EML1: variants seen among roughly 807,000 people sequenced by gnomAD.
The protein encoded by EML1 is echinoderm microtubule-associated protein-like 1.
EML1 carries 27 observed loss-of-function variants against 110.4 expected under a neutral mutation model. The ratio of observed to expected loss-of-function variants is 0.24; its 90% CI spans 0.18 to 0.34. The LOEUF (loss-of-function observed/expected upper bound fraction) is 0.34. EML1 is among the 10% of genes least tolerant of loss of function. EML1 has a pLI of 1.00. For missense variants in EML1, 741 were observed against 1,030.9 expected (o/e 0.72, Z 3.85); for synonymous variants, 344 against 385.8 (o/e 0.89, Z 1.27).
chr14:99,769,307 C>T (rs1021112379), upstream of EML1, among the ~76,000 whole-genome samples: 1 of 152,200 alleles, frequency 6.6e-6, no homozygotes, highest in Admixed American at 6.5e-5. Context: ...AGCACACAGA[C>T]AGGGAGCACT....
At chr14:99,803,211 A>G (rs921954952) in intron 1 of EML1, among the ~76,000 whole-genome samples, 1 of 152,114 alleles carries the variant, frequency 6.6e-6, no homozygotes, top group Non-Finnish European at 1.5e-5. Flanking sequence ...TATTTATCTT[A>G]TAGCACCTCC....
chr14:99,898,212 T>C (rs1254875209), intron 7 of EML1, 21 bp from the exon 8 acceptor site: 1 of 1,569,978 alleles, frequency 6.4e-7, no homozygotes, highest in Admixed American at 1.8e-5. Context: ...TGTAGATGTT[T>C]TGTAAATATC....
At chr14:99,791,155 C>CG (rs1735777103), upstream of EML1, among the ~76,000 whole-genome samples, 1 of 152,194 alleles carries the variant, frequency 6.6e-6, no homozygotes, top group African/African-American at 2.4e-5. Flanking sequence ...GCCCCGCCCT[C>CG]GGCCTCCCTG....
At chr14:99,881,535 C>G (rs1234022765) in intron 4 of EML1, among the ~76,000 whole-genome samples, 1 of 151,764 alleles carries the variant, frequency 6.6e-6, no homozygotes, top group African/African-American at 2.4e-5. Context: ...AAATATTAAC[C>G]TTTTCTGAGA....
intron 2 of EML1, among the ~76,000 whole-genome samples, chr14:99,855,110 A>G (rs2139845311): frequency 6.6e-6 from 1 of 152,356 alleles, no homozygotes; most frequent in South Asian, 2.1e-4. Context: ...TACTGGTACA[A>G]GAGGGAAAAT....
At chr14:99,793,249 G>A (rs2140231386), upstream of EML1, 1 of 811,274 alleles carries the variant, frequency 1.2e-6, no homozygotes, top group South Asian at 5.6e-5. Context: ...CCCGGCCCGG[G>A]CCCCGCGGCC....
At chr14:99,783,042 TGAA>T (rs2057558778) in intron 1 of EML1, among the ~76,000 whole-genome samples, 1 of 151,970 alleles carries the variant, frequency 6.6e-6, no homozygotes, top group Admixed American at 6.6e-5. Flanking sequence ...GTGCACAACA[TGAA>T]GGTTTATTAC....
rs1376696371 is a variant in EML1 at position 99,781,483 on chromosome 14, C to A, written c.-27+7470C>A. Among the ~76,000 whole-genome samples, 1 of 152,194 alleles carries A rather than the reference C, an allele frequency of 6.6e-6. No homozygotes were observed. The highest frequency in any genetic ancestry group is 1.9e-4 in the East Asian group (1 of 5,186). On this transcript the variant is annotated intron_variant, in intron 1 of 22. Transcript: ENST00000327921. The surrounding 1 kb of genome is among the most constrained non-coding windows in gnomAD (Gnocchi z 4.2). Reference sequence around the variant, plus strand: ...TGCATCCGCAGTGTGGTCTGGCGGGCCAGTTCCCCACCCCACAGCTGGGAG... The same window carrying A: ...TGCATCCGCAGTGTGGTCTGGCGGGACAGTTCCCCACCCCACAGCTGGGAG...
At chr14:99,848,330 G>A (rs558407091) in intron 1 of EML1, among the ~76,000 whole-genome samples, 2 of 152,168 alleles carry the variant, frequency 1.3e-5, no homozygotes, top group South Asian at 4.1e-4. Flanking sequence ...TTAATAACAT[G>A]TATGTATCCT....
At chr14:99,923,437 A>T (rs1367512581) in intron 17 of EML1, among the ~76,000 whole-genome samples, 4 of 152,164 alleles carry the variant, frequency 2.6e-5, no homozygotes, top group Non-Finnish European at 5.9e-5. Flanking sequence ...AGTTAATTAC[A>T]CAAGAGTTAC....
intron 16 of EML1, among the ~76,000 whole-genome samples, chr14:99,918,753 T>C (rs1442116015): frequency 6.6e-6 from 1 of 152,122 alleles, no homozygotes; most frequent in Non-Finnish European, 1.5e-5. Flanking sequence ...AGTTCGAGGC[T>C]GCATCGCACT....
At chr14:99,927,838 T>A (rs1595494999) in intron 17 of EML1, among the ~76,000 whole-genome samples, 1 of 56,044 alleles carries the variant, frequency 1.8e-5, no homozygotes, top group Non-Finnish European at 3.2e-5. Flanking sequence ...GTGGTATTGG[T>A]GGTGGTGATG....
chr14:99,903,083 C>A (rs2059787643), intron 9 of EML1, among the ~76,000 whole-genome samples: 1 of 152,140 alleles, frequency 6.6e-6, no homozygotes, highest in Non-Finnish European at 1.5e-5. Context: ...CTGGAGAGAT[C>A]AGGTTGAGAG....
At chr14:99,824,322 C>T (rs1209136667) in intron 1 of EML1, among the ~76,000 whole-genome samples, 4 of 152,300 alleles carry the variant, frequency 2.6e-5, no homozygotes, top group Non-Finnish European at 5.9e-5. Context: ...ACCATGTTTC[C>T]TCTGTGTCTT....
At chr14:99,826,513 C>G (rs1217925561) in intron 1 of EML1, among the ~76,000 whole-genome samples, 2 of 152,122 alleles carry the variant, frequency 1.3e-5, no homozygotes, top group African/African-American at 4.8e-5. Context: ...CCAACTCACT[C>G]CTCCAAGGGC....
intron 17 of EML1, among the ~76,000 whole-genome samples, chr14:99,925,953 T>A (rs1212025942): frequency 6.6e-6 from 1 of 152,176 alleles, no homozygotes; most frequent in African/African-American, 2.4e-5. Context: ...GGGCTCCATA[T>A]GGAGTGAGCC....
intron 4 of EML1, among the ~76,000 whole-genome samples, chr14:99,888,793 G>T (rs1022311953): frequency 3.3e-5 from 5 of 152,190 alleles, no homozygotes; most frequent in African/African-American, 9.7e-5. Context: ...GGCTGCTTTT[G>T]TCTCTGGCAG....
chr14:99,810,986 G>T (rs1411273120), intron 1 of EML1, among the ~76,000 whole-genome samples: 1 of 152,014 alleles, frequency 6.6e-6, no homozygotes, highest in Admixed American at 6.5e-5. Flanking sequence ...TGATCACATG[G>T]TAAAGTATTT....
intron 1 of EML1, among the ~76,000 whole-genome samples, chr14:99,844,442 G>A (rs894902286): frequency 2.7e-5 from 4 of 147,964 alleles, no homozygotes; most frequent in African/African-American, 1.0e-4. Flanking sequence ...TCATACCACC[G>A]CACTCCAGCT....
Sources: gnomAD v4.1 joint callset for allele counts (sites outside exome capture counted in the v4.1 genomes callset) on GRCh38, gnomAD v4.1.1 for gene constraint, Gnocchi (gnomAD v3.1) non-coding constraint, MANE v1.5 for transcripts, NCBI Gene and HGNC (gene_info 2026-07-23, HGNC 2026-07-21) for gene names.